Variants in ZNF469 observed in about 807,000 individuals in gnomAD.
ZNF469 encodes zinc finger protein 469.
ZNF469 carries 1 observed loss-of-function variant against 1.0 expected under a neutral mutation model. The observed-to-expected ratio is 1.00, with a 90% confidence interval of 0.35 to 4.73. The LOEUF (loss-of-function observed/expected upper bound fraction) is 4.73, where lower values mean the gene tolerates loss of function less well. Among genes scored for constraint, ZNF469 ranks in the 30% most tolerant of loss-of-function variants. The pLI, the probability that ZNF469 is intolerant of heterozygous loss-of-function variation, is 0.16. For synonymous variants in ZNF469, 2,703 were observed against 2,363.4 expected, an observed-to-expected ratio of 1.14 and a Z score of -4.17; for missense variants, 6,100 against 5,356.3, an observed-to-expected ratio of 1.14 and a Z score of -4.33.
the ZNF469 span, chr16:88,177,709 T>A: frequency 6.6e-6 from 1 of 152,136 alleles, no homozygotes; most frequent in African/African-American, 2.4e-5. This position sits in a 1 kb window ranked among gnomAD's most constrained non-coding sequence, Gnocchi z 4.8. Context: ...CTCGTACTTT[T>A]ATTTTTTTAT....
chr16:88,179,408 C>T, the ZNF469 span, among the ~76,000 whole-genome samples: 1 of 152,224 alleles, frequency 6.6e-6, no homozygotes, highest in Non-Finnish European at 1.5e-5. Context: ...CCCCTTCACC[C>T]TCCACCCTAA....
At chr16:88,175,103 C>T in the ZNF469 span, among the ~76,000 whole-genome samples, 1 of 152,190 alleles carries the variant, frequency 6.6e-6, no homozygotes, top group Non-Finnish European at 1.5e-5. Flanking sequence ...CTTTTAAGAT[C>T]TTCCGACTGA....
At chr16:88,401,675 GTGC>G (rs1567501690) in intron 1 of ZNF469, among the ~76,000 whole-genome samples, 2 of 66,074 alleles carry the variant, frequency 3.0e-5, no homozygotes, top group Admixed American at 1.4e-4. Context: ...GGATGGGTGA[GTGC>G]ATGGATGGAT....
chr16:88,375,316 C>A, the ZNF469 span, among the ~76,000 whole-genome samples: 1 of 152,244 alleles, frequency 6.6e-6, no homozygotes, highest in Non-Finnish European at 1.5e-5. Flanking sequence ...AACTGAGGCA[C>A]AGAGGGGCCA....
the ZNF469 span, among the ~76,000 whole-genome samples, chr16:88,185,036 C>T: frequency 6.6e-6 from 1 of 151,134 alleles, no homozygotes; most frequent in Non-Finnish European, 1.5e-5. Context: ...CATACAGGCA[C>T]ATACGTATCC....
the ZNF469 span, among the ~76,000 whole-genome samples, chr16:88,277,618 G>C: frequency 1.4e-5 from 2 of 146,578 alleles, no homozygotes; most frequent in Non-Finnish European, 3.0e-5. Context: ...CGTCAGTACT[G>C]TGTAGATAGC....
At chr16:88,264,246 C>G in the ZNF469 span, among the ~76,000 whole-genome samples, 2 of 152,078 alleles carry the variant, frequency 1.3e-5, no homozygotes, top group African/African-American at 4.8e-5. Context: ...CACCGAAACC[C>G]ACAGAGAGGA....
the ZNF469 span, among the ~76,000 whole-genome samples, chr16:88,183,819 C>T: frequency 1.3e-5 from 2 of 152,150 alleles, no homozygotes; most frequent in African/African-American, 2.4e-5. Flanking sequence ...CAGGAGGGGG[C>T]GCACGGTGAA....
the ZNF469 span, among the ~76,000 whole-genome samples, chr16:88,141,829 A>G: frequency 6.6e-6 from 1 of 152,214 alleles, no homozygotes; most frequent in Non-Finnish European, 1.5e-5. Context: ...TGGAAGCCAG[A>G]AAAGGCAGGA....
the ZNF469 span, among the ~76,000 whole-genome samples, chr16:88,147,050 C>A: frequency 1.5e-4 from 23 of 152,132 alleles, no homozygotes; most frequent in Non-Finnish European, 2.1e-4. Flanking sequence ...TGTGCCCTCA[C>A]GTGGCAAAAG....
the ZNF469 span, among the ~76,000 whole-genome samples, chr16:88,321,648 G>A: frequency 6.6e-6 from 1 of 151,760 alleles, no homozygotes; most frequent in African/African-American, 2.4e-5. Flanking sequence ...GATTGGATGT[G>A]ACCCTCGGAT....
the ZNF469 span, among the ~76,000 whole-genome samples, chr16:88,256,393 G>C: frequency 1.3e-5 from 2 of 152,160 alleles, no homozygotes; most frequent in South Asian, 2.1e-4. Flanking sequence ...GCTCATTTCT[G>C]TTTAGTGCTG....
At chr16:88,148,792 C>G in the ZNF469 span, among the ~76,000 whole-genome samples, 2 of 152,164 alleles carry the variant, frequency 1.3e-5, no homozygotes, top group South Asian at 2.1e-4. Flanking sequence ...GGGGCCAACT[C>G]TGTTCTCACT....
At chr16:88,281,526 G>T in the ZNF469 span, among the ~76,000 whole-genome samples, 1 of 149,486 alleles carries the variant, frequency 6.7e-6, no homozygotes, top group Non-Finnish European at 1.5e-5. Context: ...CGCTTGGTCA[G>T]TACTGTGCCG....
the ZNF469 span, among the ~76,000 whole-genome samples, chr16:88,121,243 G>GT: frequency 8.5e-6 from 1 of 117,280 alleles, no homozygotes; most frequent in African/African-American, 3.4e-5. Context: ...AGGTTGGGGG[G>GT]TGGGGGCGCT....
chr16:88,270,303 G>A, the ZNF469 span, among the ~76,000 whole-genome samples: 23 of 152,208 alleles, frequency 1.5e-4, no homozygotes, highest in African/African-American at 5.1e-4. Flanking sequence ...CGTTGAGGGT[G>A]AAGGGGAGGA....
chr16:88,419,092 C>T (rs1313915567), intron 1 of ZNF469, among the ~76,000 whole-genome samples: 1 of 152,232 alleles, frequency 6.6e-6, no homozygotes, highest in Non-Finnish European at 1.5e-5. Flanking sequence ...TCCCTTTTCC[C>T]AGCCTTGCTG....
Position 88,438,944 on chromosome 16 carries a change from C to T in ZNF469, c.11474C>T (p.Pro3825Leu), listed in dbSNP as rs1451109203. 1 of 1,550,560 alleles carries T rather than the reference C, an allele frequency of 6.4e-7. No homozygotes were observed. The highest frequency in any genetic ancestry group is 2.0e-5 in the Admixed American group (1 of 51,014). The change falls in exon 3 of 3, where the codon CCA (proline) becomes CTA (leucine). Residue 3825 changes from proline (P) to leucine (L), a missense_variant. By Grantham distance (98) the Pro-to-Leu change is moderately conservative. Coordinates refer to ENST00000565624, the MANE Select transcript of ZNF469 (RefSeq NM_001367624.2). ...AGGAAAAAGGGCCAGGTCCCAGGGC[C>T]AGCCAGGAGTGAAAGTGTGGGGAGC... ...TKRKKGQVPG[P>L]ARSESVGSFG...
the ZNF469 span, among the ~76,000 whole-genome samples, chr16:88,144,214 G>T: frequency 6.6e-6 from 1 of 152,242 alleles, no homozygotes; most frequent in African/African-American, 2.4e-5. Context: ...GGCGTGGTGG[G>T]GAGGGCGGGG....
Sources: allele counts gnomAD v4.1 joint callset (sites outside exome capture counted in the v4.1 genomes callset), GRCh38; gene constraint gnomAD v4.1.1; non-coding constraint Gnocchi (gnomAD v3.1); transcripts MANE v1.5; gene names NCBI Gene and HGNC (gene_info 2026-07-23, HGNC 2026-07-21).